The following VRK2 variants were observed in gnomAD, a reference collection of about 807,000 sequenced individuals.
VRK2 encodes serine/threonine-protein kinase VRK2.
Under a neutral mutation model 57.6 loss-of-function variants are expected in VRK2, and 60 were observed. The observed-to-expected ratio is 1.04, with a 90% CI of 0.85 to 1.29. VRK2 has a LOEUF of 1.29. VRK2 is among the 50% of genes most tolerant of loss of function. The pLI is 0.00. For missense variants in VRK2, 705 were observed against 588.1 expected, an observed-to-expected ratio of 1.20 and a Z score of -2.06; for synonymous variants, 231 against 199.2, an observed-to-expected ratio of 1.16 and a Z score of -1.35.
At chr2:58,123,065 A>G (rs752529133) in intron 7 of VRK2, 36 bp from the exon 8 acceptor site, 1 of 1,578,488 alleles carries the variant, frequency 6.3e-7, no homozygotes, top group Admixed American at 2.0e-5. Context: ...TTCAGAGGAC[A>G]AAGGCATTAT....
chr2:58,086,235 A>G lies in VRK2; in HGVS notation c.257-104A>G, dbSNP rs1486772569. ...TGAAAAAAAATTATCTTCTAGGAAG[A>G]TCTAATTACTTTTTTGGTTAGCTAA... On this transcript the variant is annotated intron_variant, in intron 4 of 12. Transcript: ENST00000340157. 3 of 950,068 alleles carry G rather than the reference A, an allele frequency of 3.2e-6. No homozygotes were observed. In the African/African-American group the frequency reaches 5.1e-5, roughly 16 times the overall value. The allele number at this position is 950,068 out of a possible 1,614,324, so 58.9% of individuals were successfully genotyped here. A position where few individuals can be genotyped will look rare whatever the true frequency, so the allele number is the denominator to read the frequency against.
At chr2:57,984,273 AC>A (rs1348686511) in intron 1 of VRK2, among the ~76,000 whole-genome samples, 2 of 152,108 alleles carry the variant, frequency 1.3e-5, no homozygotes, top group African/African-American at 4.8e-5. Context: ...TCACAACCTA[AC>A]AAAAAAAAAG....
At chr2:58,157,096 GGTCT>G (rs1683998786) in intron 12 of VRK2, among the ~76,000 whole-genome samples, 4 of 151,982 alleles carry the variant, frequency 2.6e-5, no homozygotes, top group African/African-American at 9.7e-5. Flanking sequence ...GCCTTTCTTA[GGTCT>G]GTGTTATTTT....
At position 58,082,472 on chromosome 2, in the gene VRK2, G is replaced by A. The variant is rs552551531; in HGVS notation, c.137-1617G>A. Among the ~76,000 whole-genome samples, 122 of 151,956 alleles carry A rather than the reference G, an allele frequency of 8.0e-4. No individual in the cohort carries two copies. In the South Asian group the frequency reaches 0.012, roughly 15 times the overall value. On this transcript the variant is annotated intron_variant, in intron 2 of 12. Coordinates refer to ENST00000340157, the MANE Select transcript of VRK2 (RefSeq NM_006296.7). The stretch of plus-strand genomic sequence containing the variant: ...AAGACAAGTGCCTAAAGTAGGTACT[G>A]TTTTATGTGGGCCAAGGTTGGAACA...
At chr2:57,962,868 G>A (rs1671802244) in intron 1 of VRK2, among the ~76,000 whole-genome samples, 1 of 152,112 alleles carries the variant, frequency 6.6e-6, no homozygotes, top group South Asian at 2.1e-4. Context: ...CCTATAAATT[G>A]CACTTTATTT....
At chr2:57,996,254 C>T (rs1030880762) in intron 1 of VRK2, among the ~76,000 whole-genome samples, 22 of 152,096 alleles carry the variant, frequency 1.4e-4, no homozygotes, top group African/African-American at 5.1e-4. Context: ...ACTATAATGC[C>T]TTAGTGTTAT....
At chr2:58,036,426 T>C (rs1674275286) in intron 3 of VRK2, among the ~76,000 whole-genome samples, 1 of 152,014 alleles carries the variant, frequency 6.6e-6, no homozygotes, top group African/African-American at 2.4e-5. Flanking sequence ...TTTCATTTCA[T>C]AGAAATAACA....
At chr2:58,059,987 A>G (rs1322806761) in intron 2 of VRK2, among the ~76,000 whole-genome samples, 2 of 151,872 alleles carry the variant, frequency 1.3e-5, no homozygotes, top group African/African-American at 4.8e-5. Context: ...GTTTCTATTA[A>G]AAAATCATGT....
intron 12 of VRK2, among the ~76,000 whole-genome samples, chr2:58,156,577 G>T (rs969225664): frequency 7.2e-6 from 1 of 139,118 alleles, no homozygotes; most frequent in African/African-American, 3.5e-5. Flanking sequence ...TTGGGTGGTG[G>T]TGTTTTTTTT....
chr2:58,034,407 T>C (rs1330887339), intron 3 of VRK2, among the ~76,000 whole-genome samples: 1 of 152,044 alleles, frequency 6.6e-6, no homozygotes, highest in East Asian at 1.9e-4. Flanking sequence ...TTTCAAGGGT[T>C]ACTCCCTCAA....
At chr2:58,013,994 T>A (rs1336067163) in intron 1 of VRK2, among the ~76,000 whole-genome samples, 10 of 152,210 alleles carry the variant, frequency 6.6e-5, no homozygotes. Context: ...GGGTAATACT[T>A]TCATAATACT....
chr2:58,113,561 G>C (rs557048358), intron 7 of VRK2, among the ~76,000 whole-genome samples: 1 of 152,094 alleles, frequency 6.6e-6, no homozygotes, highest in Non-Finnish European at 1.5e-5. Context: ...GGGTGGGACC[G>C]TTTTATAGGA....
intron 1 of VRK2, among the ~76,000 whole-genome samples, chr2:57,985,747 T>C (rs1029681898): frequency 2.0e-5 from 3 of 152,042 alleles, no homozygotes; most frequent in Non-Finnish European, 4.4e-5. Context: ...GGCATCCATA[T>C]TGGAAAATTC....
At chr2:58,049,116 C>A in intron 2 of VRK2, 149 bp downstream of exon 2, 1 of 1,023,858 alleles carries the variant, frequency 9.8e-7, no homozygotes, top group Non-Finnish European at 1.4e-6. Flanking sequence ...TAATAGAGTA[C>A]AGTGTCTAGG....
In VRK2 at chr2:58,131,890, C is replaced by A; in HGVS notation, c.759C>A (p.Asn253Lys). 2.5e-6 allele frequency: 4 copies of A among 1,614,086 alleles called. No homozygotes were observed. Among genetic ancestry groups the A allele is most frequent in the Admixed American group, 3.3e-5 (2 of 59,994 alleles). ...GTGGGAAACTTCCCTGGGAACAGAA[C>A]CTGAAGGACCCTGTGGCTGTGCAGA... ...WLCGKLPWEQ[N>K]LKDPVAVQTA... The change falls in exon 9 of 13, where the codon AAC becomes AAA. Residue 253 changes from asparagine to lysine, a missense_variant. By Grantham distance (94) the Asn-to-Lys change is moderately conservative. Transcript: ENST00000340157.
At chr2:58,055,433 C>T (rs1454806247) in intron 2 of VRK2, among the ~76,000 whole-genome samples, 2 of 152,222 alleles carry the variant, frequency 1.3e-5, no homozygotes, top group South Asian at 2.1e-4. Context: ...GAAAGTCAAA[C>T]AGCAGCTCCT....
intron 1 of VRK2, among the ~76,000 whole-genome samples, chr2:58,008,795 T>A (rs1334704144): frequency 6.6e-6 from 1 of 152,148 alleles, no homozygotes; most frequent in Non-Finnish European, 1.5e-5. Flanking sequence ...ATTTGTGCTA[T>A]AACAAAACAC....
At chr2:57,996,294 C>T (rs1672920877) in intron 1 of VRK2, among the ~76,000 whole-genome samples, 1 of 152,128 alleles carries the variant, frequency 6.6e-6, no homozygotes, top group African/African-American at 2.4e-5. Context: ...TCACATACTC[C>T]CTGAAATGGT....
At chr2:58,150,206 G>A (rs76997599) in intron 12 of VRK2, among the ~76,000 whole-genome samples, 3,099 of 151,416 alleles carry the variant, frequency 0.02, 114 homozygotes, top group African/African-American at 0.072. Flanking sequence ...TTTCTTAAAT[G>A]TTGGATAGAA....
Sources: gnomAD v4.1 joint callset for allele counts (sites outside exome capture counted in the v4.1 genomes callset) on GRCh38, gnomAD v4.1.1 for gene constraint, MANE v1.5 for transcripts, NCBI Gene and HGNC (gene_info 2026-07-23, HGNC 2026-07-21) for gene names.